Variants in SLC16A7 observed in about 807,000 individuals in gnomAD.
SLC16A7 encodes solute carrier family 16 member 7.
Under a neutral mutation model 34.9 loss-of-function variants are expected in SLC16A7, and 33 were observed. The ratio of observed to expected loss-of-function variants is 0.94; its 90% CI spans 0.72 to 1.26. The LOEUF is 1.26. Among genes scored for constraint, SLC16A7 ranks in the 50% most tolerant of loss-of-function variants. The pLI is 0.00. For missense variants in SLC16A7, 573 were observed against 578.1 expected (o/e 0.99, Z 0.09); for synonymous variants, 201 against 206.6 (o/e 0.97, Z 0.23).
chr12:59,771,470 A>G (rs552753886), intron 4 of SLC16A7, 108 bp downstream of exon 4: 20 of 776,748 alleles, frequency 2.6e-5, no homozygotes, highest in Non-Finnish European at 3.4e-5. Context: ...TTATTTTTTT[A>G]TAAACAATGC....
At chr12:59,641,613 T>C (rs1880690271) in intron 1 of SLC16A7, among the ~76,000 whole-genome samples, 1 of 152,036 alleles carries the variant, frequency 6.6e-6, no homozygotes, top group African/African-American at 2.4e-5. Flanking sequence ...GTACAAAATA[T>C]TGCCTTTGTA....
intron 3 of SLC16A7, chr12:59,720,235 A>G: frequency 1.9e-6 from 1 of 517,002 alleles, no homozygotes; most frequent in Admixed American, 3.9e-5. Flanking sequence ...TTTATAGTTG[A>G]CTAAAATTTA....
intron 3 of SLC16A7, among the ~76,000 whole-genome samples, chr12:59,758,495 A>G (rs1388402888): frequency 6.6e-6 from 1 of 152,094 alleles, no homozygotes; most frequent in Non-Finnish European, 1.5e-5. Flanking sequence ...CATAATTATT[A>G]TAGGGTATTT....
intron 3 of SLC16A7, among the ~76,000 whole-genome samples, chr12:59,766,285 A>G (rs1167032615): frequency 6.6e-6 from 1 of 152,168 alleles, no homozygotes; most frequent in East Asian, 1.9e-4. Flanking sequence ...AACAGGGACA[A>G]TTTGACTTCC....
At chr12:59,674,393 A>T (rs1472135846) in intron 2 of SLC16A7, among the ~76,000 whole-genome samples, 1 of 152,212 alleles carries the variant, frequency 6.6e-6, no homozygotes, top group African/African-American at 2.4e-5. Flanking sequence ...GAATTAAATG[A>T]TAGAAAGAGG....
Position 59,775,201 on chromosome 12 carries a change from A to T in SLC16A7, c.906A>T (p.Leu302Phe), listed in dbSNP as rs1410721713. The change falls in exon 5 of 6, where the codon TTA (leucine) becomes TTT (phenylalanine). Residue 302 changes from leucine to phenylalanine, a missense_variant. By Grantham distance (22) the Leu-to-Phe change is conservative (BLOSUM62 0). Transcript: ENST00000547379. ...TGTTTGCTAGGCCTTCTGTAGGATTAATTGCAAACTCCAAATATATTCGAC... is the reference window on the plus strand; with the variant it reads ...TGTTTGCTAGGCCTTCTGTAGGATTTATTGCAAACTCCAAATATATTCGAC... ...VDMFARPSVG[L>F]IANSKYIRPR... is the part of the protein sequence containing the mutation. The T allele has an allele frequency of 1.5e-5, 24 of 1,614,130 alleles. No individual in the cohort carries two copies. Among genetic ancestry groups the T allele is most frequent in the Non-Finnish European group, 1.9e-5 (22 of 1,180,008 alleles).
At chr12:59,671,963 GTGTATATATCCATATATCCGTATA>G (rs1869824391) in intron 2 of SLC16A7, among the ~76,000 whole-genome samples, 3 of 61,002 alleles carry the variant, frequency 4.9e-5, no homozygotes, top group African/African-American at 2.3e-4. Flanking sequence ...ATGTATATAT[GTGTATATATCCATATATCCGTATA>G]TATATGTGTA....
At chr12:59,645,196 G>A (rs1014160480) in intron 1 of SLC16A7, among the ~76,000 whole-genome samples, 1 of 152,130 alleles carries the variant, frequency 6.6e-6, no homozygotes, top group Non-Finnish European at 1.5e-5. Context: ...ATCTATTCAG[G>A]CTAGAAAGTT....
At chr12:59,615,454 T>A (rs1394351340) in intron 1 of SLC16A7, among the ~76,000 whole-genome samples, 1 of 152,208 alleles carries the variant, frequency 6.6e-6, no homozygotes, top group African/African-American at 2.4e-5. Context: ...TCATTTGACA[T>A]TGACTTTTAC....
At chr12:59,758,234 T>C (rs1301889087) in intron 3 of SLC16A7, among the ~76,000 whole-genome samples, 1 of 152,094 alleles carries the variant, frequency 6.6e-6, no homozygotes, top group African/African-American at 2.4e-5. Flanking sequence ...AGACTAGATC[T>C]CATGTTAAGT....
intron 1 of SLC16A7, among the ~76,000 whole-genome samples, chr12:59,615,353 G>T (rs1451250340): frequency 4.0e-5 from 6 of 151,172 alleles, no homozygotes; most frequent in African/African-American, 1.5e-4. Flanking sequence ...CTAGAAATCT[G>T]AAAATGAAAA....
intron 5 of SLC16A7, among the ~76,000 whole-genome samples, chr12:59,778,792 T>C (rs1205523097): frequency 6.6e-6 from 1 of 152,098 alleles, no homozygotes; most frequent in East Asian, 1.9e-4. Context: ...TGCAGAGTAG[T>C]TAAGAATGAG....
Position 59,646,389 on chromosome 12 carries a change from G to A in SLC16A7, c.-129-8763G>A, listed in dbSNP as rs570420738. ...TACAGCTCAAGCCATTGCTTCAGAG[G>A]GTGCAAGCCCTTAGGCTTGGAAGCT... On this transcript the variant is annotated intron_variant, in intron 1 of 5. Transcript: ENST00000547379. 1.2e-4 allele frequency among the ~76,000 whole-genome samples: 18 copies of A among 152,326 alleles called. No homozygotes were observed. The South Asian group carries it at 2.9e-3, about 25-fold the overall frequency.
At chr12:59,687,140 C>G (rs1417878172) in intron 2 of SLC16A7, among the ~76,000 whole-genome samples, 1 of 151,596 alleles carries the variant, frequency 6.6e-6, no homozygotes, top group East Asian at 1.9e-4. Context: ...TGATCTTTTC[C>G]TTGGCTTAGT....
At chr12:59,635,779 T>G (rs1386579807) in intron 1 of SLC16A7, among the ~76,000 whole-genome samples, 1 of 151,968 alleles carries the variant, frequency 6.6e-6, no homozygotes, top group East Asian at 1.9e-4. Flanking sequence ...AAAAAAATAT[T>G]CCTTCTTCTT....
intron 3 of SLC16A7, among the ~76,000 whole-genome samples, chr12:59,754,175 C>A (rs936632355): frequency 1.3e-5 from 2 of 151,970 alleles, no homozygotes; most frequent in Admixed American, 1.3e-4. Context: ...AAATTGACAC[C>A]CTAACATATC....
Position 59,717,409 on chromosome 12 carries a change from T to C in SLC16A7, c.217+12391T>C, listed in dbSNP as rs573663922. ...TATCTACACAGAGTTAGTTTGGCAC[T>C]TGCAGATAAAGAAAAACAAGTTTAA... On this transcript the variant is annotated intron_variant, in intron 3 of 5. Transcript: ENST00000547379. 2.0e-5 allele frequency among the ~76,000 whole-genome samples: 3 copies of C among 152,318 alleles called. No individual in the cohort carries two copies. In the East Asian group the frequency reaches 5.8e-4, roughly 29 times the overall value.
At chr12:59,748,249 A>G (rs1171617974) in intron 3 of SLC16A7, among the ~76,000 whole-genome samples, 1 of 152,222 alleles carries the variant, frequency 6.6e-6, no homozygotes, top group Non-Finnish European at 1.5e-5. Context: ...ACTTATGCAC[A>G]GGAACCCTTA....
chr12:59,743,196 A>G (rs947877051), intron 3 of SLC16A7, among the ~76,000 whole-genome samples: 1 of 152,216 alleles, frequency 6.6e-6, no homozygotes, highest in Non-Finnish European at 1.5e-5. Flanking sequence ...CCGGCACTAA[A>G]GAAAGAGGCT....
Sources: allele counts gnomAD v4.1 joint callset (sites outside exome capture counted in the v4.1 genomes callset), GRCh38; gene constraint gnomAD v4.1.1; transcripts MANE v1.5; gene names NCBI Gene and HGNC (gene_info 2026-07-23, HGNC 2026-07-21).